The following TOPORS variants were observed in gnomAD, a reference collection of about 807,000 sequenced individuals.
The protein encoded by TOPORS is TOP1 binding arginine/serine rich protein, E3 ubiquitin ligase, also known as E3 ubiquitin-protein ligase Topors.
Under a neutral mutation model 81.4 loss-of-function variants are expected in TOPORS, and 25 were observed. That is an observed-to-expected ratio of 0.31 (90% CI 0.22 to 0.43). The LOEUF (loss-of-function observed/expected upper bound fraction) is 0.43, where lower values mean the gene tolerates loss of function less well. Among genes scored for constraint, TOPORS ranks in the 20% least tolerant of loss-of-function variants. The pLI is 1.00. For missense variants in TOPORS, 1,101 were observed against 1,267.0 expected, an observed-to-expected ratio of 0.87 and a Z score of 1.99; for synonymous variants, 473 against 456.6, an observed-to-expected ratio of 1.04 and a Z score of -0.46.
At position 32,542,832 on chromosome 9, in the gene TOPORS, A is replaced by G. The variant is rs747946522; in HGVS notation, c.1693T>C (p.Ser565Pro). The part of the protein sequence containing the change: ...RIKSKKEEKR[S>P]TSLSSPRNLN... ...TTTCTGGGAGATGACAATGATGTAG[A>G]TCGTTTCTCTTCCTTCTTTGATTTG... Residue 565 changes from serine to proline, a missense_variant, in exon 3 of 3, where the codon TCT (serine) becomes CCT (proline). Transcript: ENST00000360538. 50 of 1,614,070 alleles carry G rather than the reference A, an allele frequency of 3.1e-5. No individual in the cohort carries two copies. Among genetic ancestry groups the G allele is most frequent in the Middle Eastern group, 3.3e-4 (2 of 6,062 alleles).
chr9:32,550,877 C>G lies in TOPORS; in HGVS notation c.95G>C (p.Arg32Pro). The change falls in exon 2 of 3, where the codon CGC becomes CCC. Residue 32 changes from arginine (R) to proline (P), a missense_variant. Physicochemically the swap from Arg to Pro is moderately radical, Grantham distance 103. Coordinates refer to ENST00000360538, the MANE Select transcript of TOPORS (RefSeq NM_005802.5). ...GCAGGATCCGCGAAGGCGTACCCGG[C>G]GACTTCTCCGCCTACCCTCCGAAGC... Reference protein sequence around the residue: ...APASEGRRRSRRVRLRGSCRH... With the variant: ...APASEGRRRSPRVRLRGSCRH... The G allele has an allele frequency of 6.2e-7, 1 of 1,613,098 alleles. No homozygotes were observed. Among genetic ancestry groups the G allele is most frequent in the South Asian group, 1.1e-5 (1 of 91,082 alleles).
rs751624872 is a variant in TOPORS at position 32,542,138 on chromosome 9, C to T, written c.2387G>A (p.Arg796Gln). The change falls in exon 3 of 3, where the codon CGA (arginine) becomes CAA (glutamine). Residue 796 changes from arginine (R) to glutamine (Q), a missense_variant. Coordinates refer to ENST00000360538, the MANE Select transcript of TOPORS (RefSeq NM_005802.5). The part of the protein sequence containing the change: ...RVRNEKPGGK[R>Q]KYKTRHLEGT... Reference sequence around the variant, plus strand: ...CTCCAAATGCCGTGTTTTGTATTTTCGTTTCCCTCCAGGCTTTTCATTTCT... The same window carrying T: ...CTCCAAATGCCGTGTTTTGTATTTTTGTTTCCCTCCAGGCTTTTCATTTCT... 6 of 1,614,116 alleles carry T rather than the reference C, an allele frequency of 3.7e-6. No individual in the cohort carries two copies. Among genetic ancestry groups the T allele is most frequent in the South Asian group, 3.3e-5 (3 of 91,068 alleles).
In TOPORS at chr9:32,544,002, C is replaced by G. The variant is rs1436895338; in HGVS notation, c.523G>C (p.Asp175His). ...PSYNGSFVTP[D>H]RRFRYRTTLT... ...GTTGTACGGTAGCGAAATCGTCGAT[C>G]AGGGGTGACAAAAGAACCATTATAC... is the stretch of plus-strand genomic sequence containing the variant. Residue 175 changes from aspartate (D) to histidine (H), a missense_variant, in exon 3 of 3, where the codon GAT (aspartate) becomes CAT (histidine). Physicochemically the swap from Asp to His is moderately conservative, Grantham distance 81. Around this residue, in one of 9 missense-constraint regions of TOPORS, gnomAD observed 120 missense variants for 115.4 expected, o/e 1.04. Transcript: ENST00000360538. 6.2e-7 allele frequency: 1 copy of G among 1,614,028 alleles called. No individual in the cohort carries two copies. The highest frequency in any genetic ancestry group is 8.5e-7 in the Non-Finnish European group (1 of 1,180,030).
At position 32,550,950 on chromosome 9, in the gene TOPORS, C is replaced by A; in HGVS notation, c.22G>T (p.Gly8Trp). 1.9e-6 allele frequency: 3 copies of A among 1,611,662 alleles called. No homozygotes were observed. Among genetic ancestry groups the A allele is most frequent in the Non-Finnish European group, 2.5e-6 (3 of 1,179,778 alleles). MGSQPPL[G>W]SPLSREEGEA... is the part of the protein sequence containing the mutation. Reference sequence around the variant, plus strand: ...CCCTCCTCGCGAGACAGCGGAGACCCCAGCGGCGGCTGCGACCCCTGTGAC... The same window carrying A: ...CCCTCCTCGCGAGACAGCGGAGACCACAGCGGCGGCTGCGACCCCTGTGAC... The change falls in exon 2 of 3, where the codon GGG becomes TGG. Residue 8 changes from glycine (G) to tryptophan (W), a missense_variant. Gly to Trp is a radical substitution (Grantham distance 184, BLOSUM62 -2). Transcript: ENST00000360538.
At position 32,544,108 on chromosome 9, in the gene TOPORS, T is replaced by G. The variant is rs755458435; in HGVS notation, c.417A>C (p.Pro139=). Residue 139 remains proline (P), a synonymous_variant, in exon 3 of 3, where the codon CCA becomes CCC. Coordinates refer to ENST00000360538, the MANE Select transcript of TOPORS (RefSeq NM_005802.5). ...QEWSKNKAEC[P]LCKQPFDSIF... ...TAGAATCAAAGGGCTGTTTACATAG[T>G]GGGCATTCAGCTTTGTTTTTTGACC... 6.2e-7 allele frequency: 1 copy of G among 1,614,220 alleles called. No homozygotes were observed. The highest frequency in any genetic ancestry group is 1.1e-5 in the South Asian group (1 of 91,086).
In TOPORS at chr9:32,542,104, G is replaced by A. The variant is rs764423627; in HGVS notation, c.2421C>T (p.Asn807=). The A allele has an allele frequency of 2.0e-5, 33 of 1,613,942 alleles. No homozygotes were observed. Among genetic ancestry groups the A allele is most frequent in the East Asian group, 8.9e-5 (4 of 44,888 alleles). The change falls in exon 3 of 3, where the codon AAC becomes AAT. Residue 807 remains asparagine (N), a synonymous_variant. Coordinates refer to ENST00000360538, the MANE Select transcript of TOPORS (RefSeq NM_005802.5). Reference sequence around the variant, plus strand: ...ATTCACGAGATGGCTGAGCCACTTCGTTAGTACCCTCCAAATGCCGTGTTT... The same window carrying A: ...ATTCACGAGATGGCTGAGCCACTTCATTAGTACCCTCCAAATGCCGTGTTT... ...KYKTRHLEGT[N]EVAQPSREFA... is the part of the protein sequence containing the mutation.
Position 32,552,468 on chromosome 9 carries a change from A to G in TOPORS, c.-32T>C. On this transcript the variant is annotated 5_prime_UTR_variant, in exon 1 of 3. Transcript: ENST00000360538. ...AGTAAGTCGTCGCACGCTGGACTGGATTTATTCAGTGGTAAGTCCCGGGGA... is the reference window on the plus strand; with the variant it reads ...AGTAAGTCGTCGCACGCTGGACTGGGTTTATTCAGTGGTAAGTCCCGGGGA... 2 of 1,599,630 alleles carry G rather than the reference A, an allele frequency of 1.3e-6. No homozygotes were observed. The highest frequency in any genetic ancestry group is 1.7e-6 in the Non-Finnish European group (2 of 1,173,646).
chr9:32,552,329 G>A, intron 1 of TOPORS, 105 bp downstream of exon 1: 1 of 1,509,670 alleles, frequency 6.6e-7, no homozygotes, highest in Non-Finnish European at 9.0e-7. Context: ...GGGCGCTCGT[G>A]CCCGGCTAAA....
intron 1 of TOPORS, chr9:32,551,173 G>GC (rs1465576767): frequency 3.1e-6 from 2 of 645,604 alleles, no homozygotes; most frequent in Non-Finnish European, 5.5e-6. Flanking sequence ...GAGGAGGGCA[G>GC]CGCGACCCTC....
chr9:32,543,385 T>C lies in TOPORS; in HGVS notation c.1140A>G (p.Ser380=), dbSNP rs1821100208. The part of the protein sequence containing the change: ...QHANYDCPAP[S]YEEGSHSDSS... ...AATCAGAATGGCTGCCTTCTTCGTA[T>C]GAAGGAGCAGGGCAATCATAATTGG... The change falls in exon 3 of 3, where the codon TCA becomes TCG. Residue 380 remains serine, a synonymous_variant. Transcript: ENST00000360538. The surrounding 1 kb of genome is among the most constrained non-coding windows in gnomAD (Gnocchi z 5.6). 1 of 1,613,888 alleles carries C rather than the reference T, an allele frequency of 6.2e-7. No individual in the cohort carries two copies. Among genetic ancestry groups the C allele is most frequent in the African/African-American group, 1.3e-5 (1 of 74,914 alleles).
chr9:32,550,617 G>T (rs1821220307), intron 2 of TOPORS, among the ~76,000 whole-genome samples, 157 bp downstream of exon 2: 1 of 152,120 alleles, frequency 6.6e-6, no homozygotes, highest in Admixed American at 6.5e-5. Flanking sequence ...GTGCGCGCAG[G>T]AGCCGCTCGG....
chr9:32,546,343 CTGTG>C (rs952173235), intron 2 of TOPORS, among the ~76,000 whole-genome samples: 1 of 152,100 alleles, frequency 6.6e-6, no homozygotes, highest in African/African-American at 2.4e-5. Flanking sequence ...AGTTCAGAGA[CTGTG>C]TGTGTGGTAG....
rs1338614178 is a variant in TOPORS, at chr9:32,547,242, T to A, written c.199-2916A>T. Among the ~76,000 whole-genome samples the A allele has an allele frequency of 4.2e-5, 4 of 96,074 alleles. No individual in the cohort carries two copies. The South Asian group carries it at 1.3e-3, about 32-fold the overall frequency. The allele number at this position is 96,074 out of a possible 152,430, so 63.0% of individuals were successfully genotyped here. ...AGAAACATCAAACAATTGGAATGCA[T>A]GTAGATCAAATAAGTTATTAGCTCT... On this transcript the variant is annotated intron_variant, in intron 2 of 2. Coordinates refer to ENST00000360538, the MANE Select transcript of TOPORS (RefSeq NM_005802.5).
chr9:32,547,995 C>A (rs989782594), intron 2 of TOPORS, among the ~76,000 whole-genome samples: 1 of 131,234 alleles, frequency 7.6e-6, no homozygotes, highest in Non-Finnish European at 1.6e-5. Flanking sequence ...CCACCACGCT[C>A]GGCATTTTTT....
At chr9:32,552,409 C>G (rs556282647) in intron 1 of TOPORS, 25 bp downstream of exon 1, 1 of 1,608,810 alleles carries the variant, frequency 6.2e-7, no homozygotes, top group African/African-American at 1.3e-5. Flanking sequence ...CCGCCAGCTC[C>G]CGCGGACTGC....
chr9:32,551,033 C>A (rs1279542468), intron 1 of TOPORS, 65 bp from the exon 2 acceptor site: 3 of 1,560,298 alleles, frequency 1.9e-6, no homozygotes, highest in East Asian at 2.3e-5. Flanking sequence ...AGACCCACCC[C>A]CCAGCTCCCG....
Position 32,544,324 on chromosome 9 carries a change from T to C in TOPORS, c.201A>G (p.Ile67Met). 1 of 1,600,160 alleles carries C rather than the reference T, an allele frequency of 6.2e-7. No homozygotes were observed. Among genetic ancestry groups the C allele is most frequent in the Non-Finnish European group, 8.5e-7 (1 of 1,179,924 alleles). ...TAAATTCCTTAGCAGCTGATGCCATTATCTGTAAAAGGGAAAGAAATATAT... is the reference window on the plus strand; with the variant it reads ...TAAATTCCTTAGCAGCTGATGCCATCATCTGTAAAAGGGAAAGAAATATAT... The part of the protein sequence containing the change: ...PARPAPASSE[I>M]MASAAKEFKM... The change falls in exon 3 of 3, where the codon ATA becomes ATG. Residue 67 changes from isoleucine (I) to methionine (M), a missense_variant and splice_region_variant. Coordinates refer to ENST00000360538, the MANE Select transcript of TOPORS (RefSeq NM_005802.5).
chr9:32,541,564 A>T lies in TOPORS; in HGVS notation c.2961T>A (p.Pro987=). 6.2e-7 allele frequency: 1 copy of T among 1,614,224 alleles called. No individual in the cohort carries two copies. The highest frequency in any genetic ancestry group is 1.6e-4 in the Middle Eastern group (1 of 6,062). Residue 987 remains proline (P), a synonymous_variant, in exon 3 of 3, where the codon CCT becomes CCA. Coordinates refer to ENST00000360538, the MANE Select transcript of TOPORS (RefSeq NM_005802.5). The part of the protein sequence containing the change: ...NANKTVDNIP[P]LAASVEQTLD... ...GAGTTTGTTCAACTGAAGCTGCCAG[A>T]GGTGGAATATTATCTACAGTTTTGT...
chr9:32,552,193 G>T, intron 1 of TOPORS: 1 of 512,686 alleles, frequency 2.0e-6, no homozygotes, highest in Non-Finnish European at 3.4e-6. Flanking sequence ...AAAAAAAAAA[G>T]CAATTTTTAA....
Sources: allele counts gnomAD v4.1 joint callset (sites outside exome capture counted in the v4.1 genomes callset), GRCh38; gene constraint gnomAD v4.1.1; regional missense constraint gnomAD v4.1.1; non-coding constraint Gnocchi (gnomAD v3.1); transcripts MANE v1.5; gene names NCBI Gene and HGNC (gene_info 2026-07-23, HGNC 2026-07-21).